The following ASB15 variants were observed in gnomAD, a reference collection of about 807,000 sequenced individuals.
The protein encoded by ASB15 is ankyrin repeat and SOCS box protein 15.
Under a neutral mutation model 58.0 loss-of-function variants are expected in ASB15, and 54 were observed. The ratio of observed to expected loss-of-function variants is 0.93; its 90% CI spans 0.75 to 1.17. ASB15 has a LOEUF of 1.17. ASB15 is among the 50% of genes most tolerant of loss of function. The probability of loss-of-function intolerance (pLI) is 0.00; values close to 1 mark genes in which losing one functional copy is unlikely to be tolerated. For missense variants in ASB15, 680 were observed against 707.4 expected, an observed-to-expected ratio of 0.96 and a Z score of 0.44; for synonymous variants, 249 against 262.4, an observed-to-expected ratio of 0.95 and a Z score of 0.50.
rs1234861151 is a variant in ASB15 at position 123,627,210 on chromosome 7, A to G, written c.798A>G (p.Gly266=). The G allele has an allele frequency of 6.2e-7, 1 of 1,613,986 alleles. No individual in the cohort carries two copies. Among genetic ancestry groups the G allele is most frequent in the Admixed American group, 1.7e-5 (1 of 60,008 alleles). ...PDCISLLLEY[G]GSGNVPNRAG... ...GCATTTCCCTCCTGCTGGAATATGG[A>G]GGAAGCGGAAATGTACCTAACCGAG... is the stretch of plus-strand genomic sequence containing the variant. Residue 266 remains glycine, a synonymous_variant, in exon 9 of 12, where the codon GGA becomes GGG. Coordinates refer to ENST00000451215, the MANE Select transcript of ASB15 (RefSeq NM_001290258.2).
chr7:123,608,771 T>C (rs1354867501), intron 3 of ASB15, 117 bp downstream of exon 3: 1 of 152,176 alleles, frequency 6.6e-6, no homozygotes, highest in African/African-American at 2.4e-5. Context: ...ACGAATCCAT[T>C]CATGTGATTT....
chr7:123,605,412 G>A (rs1302519537), intron 2 of ASB15, among the ~76,000 whole-genome samples: 3 of 151,996 alleles, frequency 2.0e-5, no homozygotes, highest in Non-Finnish European at 2.9e-5. Context: ...AACTTAGTTC[G>A]GCCACTGTGG....
intron 7 of ASB15, chr7:123,623,194 G>A (rs1276655761): frequency 6.6e-6 from 1 of 152,194 alleles, no homozygotes. Flanking sequence ...AGAGCCTTTA[G>A]TGGAGCTAGC....
upstream of ASB15, among the ~76,000 whole-genome samples, chr7:123,596,887 G>T (rs905028292): frequency 6.6e-6 from 1 of 152,034 alleles, no homozygotes; most frequent in Non-Finnish European, 1.5e-5. Context: ...AATTTACTTT[G>T]GTTGCCAATA....
intron 11 of ASB15, among the ~76,000 whole-genome samples, chr7:123,632,097 A>C (rs1266887654): frequency 6.6e-6 from 1 of 152,054 alleles, no homozygotes; most frequent in African/African-American, 2.4e-5. Flanking sequence ...AATAATAATA[A>C]TAATAGAAAG....
intron 1 of ASB15, among the ~76,000 whole-genome samples, chr7:123,571,349 G>A (rs865797360): frequency 2.0e-4 from 30 of 152,194 alleles, no homozygotes; most frequent in South Asian, 4.2e-4. Flanking sequence ...ACAAGTGTAA[G>A]GTCAATCTAT....
At chr7:123,618,601 C>A (rs140047624) in intron 7 of ASB15, among the ~76,000 whole-genome samples, 1 of 151,612 alleles carries the variant, frequency 6.6e-6, no homozygotes, top group African/African-American at 2.4e-5. Flanking sequence ...GTCTGTGTGG[C>A]GGGAGGAGGA....
chr7:123,619,404 C>G (rs185238272), intron 7 of ASB15, among the ~76,000 whole-genome samples: 1 of 152,112 alleles, frequency 6.6e-6, no homozygotes, highest in East Asian at 1.9e-4. Context: ...CTTCAAAGAG[C>G]CTTGCTCTTG....
In ASB15 at chr7:123,617,830, C is replaced by T. The variant is rs1012824848; in HGVS notation, c.451+93C>T. On this transcript the variant is annotated intron_variant, in intron 7 of 11. Coordinates refer to ENST00000451215, the MANE Select transcript of ASB15 (RefSeq NM_001290258.2). ...TGTATAATGGCTAAAATTGTGATCTCAGTTCCTTCCATTCCCTGAGCTACT... is the reference window on the plus strand; with the variant it reads ...TGTATAATGGCTAAAATTGTGATCTTAGTTCCTTCCATTCCCTGAGCTACT... 5 of 1,245,836 alleles carry T rather than the reference C, an allele frequency of 4.0e-6. No individual in the cohort carries two copies. The Admixed American group carries it at 1.0e-4, about 25-fold the overall frequency. The allele number at this position is 1,245,836 out of a possible 1,614,324, so 77.2% of individuals were successfully genotyped here. A position where few individuals can be genotyped will look rare whatever the true frequency, so the allele number is the denominator to read the frequency against.
chr7:123,629,871 G>A (rs1802027630), intron 10 of ASB15, 95 bp from the exon 11 acceptor site: 2 of 889,086 alleles, frequency 2.2e-6, no homozygotes, highest in Non-Finnish European at 3.4e-6. Context: ...TTTATTTTCT[G>A]TAGTAAAACA....
At position 123,617,664 on chromosome 7, in the gene ASB15, T is replaced by C. The variant is rs1489858763; in HGVS notation, c.378T>C (p.Asn126=). The part of the protein sequence containing the change: ...TLAVKAGLVE[N]VRTLLEKGVW... ...CAGTCAAAGCTGGTCTGGTGGAAAA[T>C]GTAAGAACTTTATTAGAAAAGGGAG... The change falls in exon 7 of 12, where the codon AAT becomes AAC. Residue 126 remains asparagine, a synonymous_variant. Transcript: ENST00000451215. 4 of 1,611,838 alleles carry C rather than the reference T, an allele frequency of 2.5e-6. No individual in the cohort carries two copies. The highest frequency in any genetic ancestry group is 2.2e-5 in the East Asian group (1 of 44,856).
chr7:123,627,773 G>A (rs145104121), intron 9 of ASB15, among the ~76,000 whole-genome samples: 146 of 152,186 alleles, frequency 9.6e-4, no homozygotes, highest in Non-Finnish European at 1.8e-3. Flanking sequence ...CCATACGAAC[G>A]GTTGAATAGA....
At chr7:123,594,609 G>C (rs185223370) in intron 1 of ASB15, among the ~76,000 whole-genome samples, 2 of 152,306 alleles carry the variant, frequency 1.3e-5, no homozygotes, top group Admixed American at 1.3e-4. Flanking sequence ...ATCACCAGCA[G>C]AAGCTGCAGA....
chr7:123,615,891 C>A (rs1449748311), intron 4 of ASB15, among the ~76,000 whole-genome samples: 1 of 152,132 alleles, frequency 6.6e-6, no homozygotes, highest in African/African-American at 2.4e-5. Flanking sequence ...CCCAGAATCA[C>A]AAAATCAGGC....
Position 123,624,621 on chromosome 7 carries a change from TAGCCTAGACC to T in ASB15, c.509_518del (p.Leu170ProfsTer21). On this transcript the variant is annotated frameshift_variant, in exon 8 of 12. Transcript: ENST00000451215. LOFTEE classifies it high-confidence loss of function. Reference sequence around the variant, plus strand: ...TGTCGACTCTGATCAAACATAACACTAGCCTAGACCAGCCCTGTGTCAAGCGATGGTCAGC... The same window carrying T: ...TGTCGACTCTGATCAAACATAACACTAGCCCTGTGTCAAGCGATGGTCAGC... The T allele has an allele frequency of 6.2e-7, 1 of 1,613,782 alleles. No homozygotes were observed. The highest frequency in any genetic ancestry group is 8.5e-7 in the Non-Finnish European group (1 of 1,179,696).
chr7:123,627,586 T>C (rs537084303), intron 9 of ASB15, among the ~76,000 whole-genome samples: 1 of 152,198 alleles, frequency 6.6e-6, no homozygotes, highest in African/African-American at 2.4e-5. Context: ...TGTTTACAAA[T>C]GTATTTAACA....
intron 1 of ASB15, among the ~76,000 whole-genome samples, chr7:123,574,898 T>C (rs937852383): frequency 2.0e-5 from 3 of 152,018 alleles, no homozygotes; most frequent in Admixed American, 6.6e-5. Flanking sequence ...TGGATCTACA[T>C]CATACTTGTT....
intron 7 of ASB15, among the ~76,000 whole-genome samples, chr7:123,618,985 C>A (rs1446702961): frequency 6.6e-6 from 1 of 151,754 alleles, no homozygotes; most frequent in Non-Finnish European, 1.5e-5. Flanking sequence ...ACCAGCCTGG[C>A]CAGCATGGTG....
At chr7:123,632,000 C>T (rs902638323) in intron 11 of ASB15, among the ~76,000 whole-genome samples, 1 of 151,956 alleles carries the variant, frequency 6.6e-6, no homozygotes, top group Non-Finnish European at 1.5e-5. Context: ...ATGGCGTGAA[C>T]CCGGGAGGCG....
Sources: allele counts gnomAD v4.1 joint callset (sites outside exome capture counted in the v4.1 genomes callset), GRCh38; gene constraint gnomAD v4.1.1; transcripts MANE v1.5; gene names NCBI Gene and HGNC (gene_info 2026-07-23, HGNC 2026-07-21).